Variants in LRPPRC observed in about 807,000 individuals in gnomAD.
The protein encoded by LRPPRC is leucine-rich PPR motif-containing protein, mitochondrial.
A neutral mutation model predicts 180.3 loss-of-function variants in LRPPRC; 120 were observed. That is an observed-to-expected ratio of 0.67 (90% CI 0.57 to 0.77). LRPPRC has a LOEUF of 0.77. LRPPRC is among the 30% of genes least tolerant of loss of function. The pLI is 0.00. For synonymous variants in LRPPRC, 723 were observed against 600.0 expected (o/e 1.21, Z -3.00); for missense variants, 2,012 against 1,657.2 (o/e 1.21, Z -3.72).
At chr2:43,970,009 AT>A (rs1008072228) in intron 11 of LRPPRC, among the ~76,000 whole-genome samples, 32 of 152,172 alleles carry the variant, frequency 2.1e-4, no homozygotes, top group African/African-American at 7.7e-4. Context: ...TAATAACTTA[AT>A]TTTTTTCAGC....
chr2:43,993,242 C>T lies in LRPPRC; in HGVS notation c.149+2557G>A, dbSNP rs116080101. 5.9e-3 allele frequency among the ~76,000 whole-genome samples: 901 copies of T among 152,228 alleles called. 8 individuals are homozygous for T. Among genetic ancestry groups the T allele is most frequent in the African/African-American group, 0.021 (857 of 41,530 alleles). On this transcript the variant is annotated intron_variant, in intron 1 of 37. Transcript: ENST00000260665. ...ACACATACATAAGTCATTAGAAGGACAGCTATCAATGAATGGCTCTCTGGT... is the reference window on the plus strand; with the variant it reads ...ACACATACATAAGTCATTAGAAGGATAGCTATCAATGAATGGCTCTCTGGT...
chr2:43,957,207 T>A (rs1212708185), intron 14 of LRPPRC, among the ~76,000 whole-genome samples, 178 bp downstream of exon 14: 1 of 152,206 alleles, frequency 6.6e-6, no homozygotes, highest in Non-Finnish European at 1.5e-5. Context: ...GACACAAAGC[T>A]GCCTAAATTT....
In LRPPRC at chr2:43,886,895, C is replaced by T. The variant is rs1670288939; in HGVS notation, c.*1705G>A. 6.6e-6 allele frequency: 1 copy of T among 152,340 alleles called. No individual in the cohort carries two copies. The highest frequency in any genetic ancestry group is 2.4e-5 in the African/African-American group (1 of 41,526). 9.4% of individuals were successfully genotyped at this position (152,340 alleles called of 1,614,324 possible). ...GTGGCTCACACCTGTAATCCCAGCA[C>T]TTTGGGAGGCTGAAGCGAGCGCAGG... is the stretch of plus-strand genomic sequence containing the variant. On this transcript the variant is annotated 3_prime_UTR_variant, in exon 38 of 38. Transcript: ENST00000260665.
intron 11 of LRPPRC, among the ~76,000 whole-genome samples, chr2:43,967,398 T>C (rs934317167): frequency 4.4e-5 from 3 of 68,424 alleles, no homozygotes; most frequent in Non-Finnish European, 7.0e-5. Context: ...GATCGATTGA[T>C]AGAAAGACAG....
At chr2:43,956,477 A>ACGTGTGTGTGTGTGTG in intron 14 of LRPPRC, among the ~76,000 whole-genome samples, 1 of 83,876 alleles carries the variant, frequency 1.2e-5, no homozygotes, top group Non-Finnish European at 2.2e-5. Flanking sequence ...AAAGAAAAAA[A>ACGTGTGTGTGTGTGTG]CGTGTGTGTG....
At chr2:43,950,983 T>C (rs1672879811) in intron 14 of LRPPRC, among the ~76,000 whole-genome samples, 2 of 152,276 alleles carry the variant, frequency 1.3e-5, no homozygotes, top group East Asian at 3.9e-4. Flanking sequence ...GGCAGGAGAA[T>C]TGCCTGAACC....
intron 11 of LRPPRC, among the ~76,000 whole-genome samples, chr2:43,968,144 T>C (rs1287855916): frequency 6.6e-6 from 1 of 152,116 alleles, no homozygotes; most frequent in Non-Finnish European, 1.5e-5. Flanking sequence ...CTCTCCCCCT[T>C]AGTTCTGGTA....
chr2:43,889,045 A>T (rs539260742), intron 37 of LRPPRC, among the ~76,000 whole-genome samples: 15 of 152,226 alleles, frequency 9.9e-5, no homozygotes, highest in Non-Finnish European at 1.5e-4. Context: ...TGCCGGGCAC[A>T]GTGGCTCACG....
Position 43,976,247 on chromosome 2 carries a change from A to G in LRPPRC, c.651-18T>C. The stretch of plus-strand genomic sequence containing the variant: ...GAATCTTGCTGCAAAGGAAAAACGA[A>G]GATACTCATTGAAAGTATTTATAAG... On this transcript the variant is annotated intron_variant, in intron 5 of 37. Coordinates refer to ENST00000260665, the MANE Select transcript of LRPPRC (RefSeq NM_133259.4). 1.5e-6 allele frequency: 2 copies of G among 1,372,006 alleles called. No individual in the cohort carries two copies. The highest frequency in any genetic ancestry group is 1.4e-5 in the African/African-American group (1 of 70,512). The allele number at this position is 1,372,006 out of a possible 1,614,324, so 85.0% of individuals were successfully genotyped here. A position where few individuals can be genotyped will look rare whatever the true frequency, so the allele number is the denominator to read the frequency against.
At chr2:43,968,216 TACAC>T (rs759505225) in intron 11 of LRPPRC, among the ~76,000 whole-genome samples, 6 of 152,226 alleles carry the variant, frequency 3.9e-5, no homozygotes, top group Non-Finnish European at 7.3e-5. Context: ...TTTGGTGGCT[TACAC>T]ACTAGAAATG....
intron 1 of LRPPRC, among the ~76,000 whole-genome samples, chr2:43,987,736 C>T (rs570644225): frequency 2.6e-5 from 4 of 152,266 alleles, no homozygotes; most frequent in African/African-American, 7.2e-5. Context: ...CTTCATACAA[C>T]TGCCAGATCA....
chr2:43,925,947 T>A lies in LRPPRC; in HGVS notation c.2751A>T (p.Arg917Ser). The change falls in exon 26 of 38, where the codon AGA becomes AGT. Residue 917 changes from arginine to serine, a missense_variant. Coordinates refer to ENST00000260665, the MANE Select transcript of LRPPRC (RefSeq NM_133259.4). ...ACCACTGAAGCCTTGCAGATCGAGC[T>A]CTAATCCCTGGAGTCTGTAAAATAA... ...AKKIIETPGI[R>S]ARSARLQWFC... is the part of the protein sequence containing the mutation. 1.2e-6 allele frequency: 2 copies of A among 1,608,390 alleles called. No individual in the cohort carries two copies. Among genetic ancestry groups the A allele is most frequent in the Non-Finnish European group, 1.7e-6 (2 of 1,174,808 alleles).
intron 30 of LRPPRC, among the ~76,000 whole-genome samples, chr2:43,911,834 T>C (rs1671273051): frequency 6.6e-6 from 1 of 151,886 alleles, no homozygotes; most frequent in African/African-American, 2.4e-5. Context: ...GTCAGATTTC[T>C]TTTTTTTAAT....
intron 11 of LRPPRC, among the ~76,000 whole-genome samples, chr2:43,966,430 G>C (rs1673562663): frequency 1.4e-5 from 2 of 146,802 alleles, no homozygotes; most frequent in South Asian, 2.1e-4. Context: ...TTTTTTTTGA[G>C]ACGGAGTTTC....
chr2:43,942,374 G>C (rs188233223), intron 23 of LRPPRC, among the ~76,000 whole-genome samples: 1 of 152,118 alleles, frequency 6.6e-6, no homozygotes, highest in Admixed American at 6.5e-5. Context: ...ATTAATTATA[G>C]GATTTCTATA....
chr2:43,956,382 T>C (rs909704285), intron 14 of LRPPRC, among the ~76,000 whole-genome samples: 4 of 152,114 alleles, frequency 2.6e-5, no homozygotes, highest in African/African-American at 4.8e-5. Context: ...ATGTTGTGAT[T>C]TTAGAGATGA....
At chr2:43,980,954 A>C (rs972846221) in intron 2 of LRPPRC, among the ~76,000 whole-genome samples, 5 of 152,200 alleles carry the variant, frequency 3.3e-5, no homozygotes, top group Non-Finnish European at 7.4e-5. Flanking sequence ...AGGTCTTTAA[A>C]TGTACATAAC....
intron 25 of LRPPRC, among the ~76,000 whole-genome samples, chr2:43,926,238 G>T (rs997755818): frequency 1.3e-5 from 2 of 152,030 alleles, no homozygotes; most frequent in Non-Finnish European, 2.9e-5. Context: ...AGAAGACGCC[G>T]ATAATTTCCA....
At chr2:43,912,609 C>T in intron 29 of LRPPRC, 51 bp from the exon 30 acceptor site, 2 of 1,531,284 alleles carry the variant, frequency 1.3e-6, no homozygotes, top group South Asian at 1.1e-5. Flanking sequence ...TCTGAAATGC[C>T]AAAAGGATGG....
Sources: gnomAD v4.1 joint callset for allele counts (sites outside exome capture counted in the v4.1 genomes callset) on GRCh38, gnomAD v4.1.1 for gene constraint, MANE v1.5 for transcripts, NCBI Gene and HGNC (gene_info 2026-07-23, HGNC 2026-07-21) for gene names.